Variants in CCNT2 observed in about 807,000 individuals in gnomAD.
CCNT2 encodes cyclin T2, also known as cyclin-T2.
Under a neutral mutation model 70.0 loss-of-function variants are expected in CCNT2, and 18 were observed. That is an observed-to-expected ratio of 0.26 (90% CI 0.18 to 0.38). The LOEUF is 0.38. CCNT2 is among the 10% of genes least tolerant of loss of function. CCNT2 has a pLI of 1.00. For synonymous variants in CCNT2, 334 were observed against 313.3 expected, an observed-to-expected ratio of 1.07 and a Z score of -0.70; for missense variants, 734 against 890.2, an observed-to-expected ratio of 0.82 and a Z score of 2.23.
chr2:134,924,905 T>C (rs1680173732), intron 2 of CCNT2, among the ~76,000 whole-genome samples: 1 of 152,204 alleles, frequency 6.6e-6, no homozygotes, highest in African/African-American at 2.4e-5. Context: ...AACTAAGTTG[T>C]AGCTGTTGAA....
Position 134,926,391 on chromosome 2 carries a change from A to G in CCNT2, c.240+6500A>G, listed in dbSNP as rs191380530. ...AGTTTCTGGCCCTCTTCCCCTCCAC[A>G]TTTTTAGTTTCTCTTTTCCCTTCTT... On this transcript the variant is annotated intron_variant, in intron 2 of 8. Coordinates refer to ENST00000264157, the MANE Select transcript of CCNT2 (RefSeq NM_058241.3). 2.0e-5 allele frequency among the ~76,000 whole-genome samples: 3 copies of G among 152,100 alleles called. No homozygotes were observed. The East Asian group carries it at 5.8e-4, about 29-fold the overall frequency.
intron 7 of CCNT2, among the ~76,000 whole-genome samples, chr2:134,948,195 T>A (rs1356831187): frequency 6.6e-6 from 1 of 152,116 alleles, no homozygotes; most frequent in African/African-American, 2.4e-5. Context: ...GGTGCGTGCC[T>A]ATAGTCTCAG....
At position 134,954,406 on chromosome 2, in the gene CCNT2, G is replaced by A. The variant is rs1329229640; in HGVS notation, c.1951G>A (p.Val651Ile). ...SGSSSSSSSSVKQYISSHNSV... is the reference protein window; with the variant it reads ...SGSSSSSSSSIKQYISSHNSV... ...TAGTTCATCTAGTTCTTCCTCCTCT[G>A]TTAAGCAGTATATATCCTCTCACAA... Residue 651 changes from valine to isoleucine, a missense_variant, in exon 9 of 9, where the codon GTT (valine) becomes ATT (isoleucine). By Grantham distance (29) the Val-to-Ile change is conservative. Around this residue, in one of 3 missense-constraint regions of CCNT2, gnomAD observed 532 missense variants for 556.9 expected, o/e 0.96. Coordinates refer to ENST00000264157, the MANE Select transcript of CCNT2 (RefSeq NM_058241.3). 4 of 1,614,040 alleles carry A rather than the reference G, an allele frequency of 2.5e-6. No homozygotes were observed. The highest frequency in any genetic ancestry group is 3.4e-6 in the Non-Finnish European group (4 of 1,179,938).
chr2:134,945,559 AT>A (rs1681893765), intron 5 of CCNT2: 1 of 985,248 alleles, frequency 1.0e-6, no homozygotes, highest in Non-Finnish European at 1.2e-6. Context: ...CTGTACCCGT[AT>A]GCTGTTTCTA....
Position 134,937,014 on chromosome 2 carries a change from C to T in CCNT2, c.369+45C>T, listed in dbSNP as rs754330150. The T allele has an allele frequency of 1.2e-5, 18 of 1,469,348 alleles. No individual in the cohort carries two copies. The South Asian group carries it at 2.1e-4, about 17-fold the overall frequency. The allele number at this position is 1,469,348 out of a possible 1,614,324, so 91.0% of individuals were successfully genotyped here. A position where few individuals can be genotyped will look rare whatever the true frequency, so the allele number is the denominator to read the frequency against. On this transcript the variant is annotated intron_variant, in intron 3 of 8. Coordinates refer to ENST00000264157, the MANE Select transcript of CCNT2 (RefSeq NM_058241.3). The stretch of plus-strand genomic sequence containing the variant: ...TTTATTTTTCTTTGTAAATTTGAAA[C>T]TTTTTCATAATGTAGGCCTAACAAA...
intron 2 of CCNT2, among the ~76,000 whole-genome samples, chr2:134,931,262 C>CT (rs112471982): frequency 0.12 from 5,137 of 42,228 alleles, 223 homozygotes; most frequent in African/African-American, 0.16. Flanking sequence ...ATGCCCGGAT[C>CT]TTTTTTTTTT....
intron 4 of CCNT2, among the ~76,000 whole-genome samples, chr2:134,940,727 A>G (rs1573829655): frequency 6.6e-6 from 1 of 152,294 alleles, no homozygotes; most frequent in South Asian, 2.1e-4. Flanking sequence ...AGGTTCTGGC[A>G]TATTTTTACC....
intron 2 of CCNT2, 56 bp downstream of exon 2, chr2:134,919,947 C>A: frequency 7.9e-7 from 1 of 1,257,918 alleles, no homozygotes; most frequent in Non-Finnish European, 1.2e-6. Context: ...AATCGATACG[C>A]AGAAAAAAAG....
At chr2:134,919,070 C>A in intron 1 of CCNT2, 58 bp downstream of exon 1, 1 of 1,512,832 alleles carries the variant, frequency 6.6e-7, no homozygotes, top group Non-Finnish European at 8.9e-7. Flanking sequence ...GTCGCCGGGC[C>A]TGGTGCCCCG....
rs1049115420 is a variant in CCNT2, at chr2:134,944,925, G to C, written c.494-1176G>C. 5 of 984,966 alleles carry C rather than the reference G, an allele frequency of 5.1e-6. No individual in the cohort carries two copies. In the African/African-American group the frequency reaches 8.7e-5, roughly 17 times the overall value. The allele number at this position is 984,966 out of a possible 1,614,324, so 61.0% of individuals were successfully genotyped here. The stretch of plus-strand genomic sequence containing the variant: ...CTTCTCTACGTATTTTTATTCGGAG[G>C]GGGAGGGGAAAATAAATTTGATTTC... On this transcript the variant is annotated intron_variant, in intron 5 of 8. Transcript: ENST00000264157.
chr2:134,934,949 T>C (rs1053621165), intron 2 of CCNT2, among the ~76,000 whole-genome samples: 1 of 152,244 alleles, frequency 6.6e-6, no homozygotes, highest in African/African-American at 2.4e-5. Context: ...TGTGGGAAAC[T>C]GAGAGTGTCT....
In CCNT2 at chr2:134,947,831, C is replaced by G; in HGVS notation, c.635C>G (p.Pro212Arg). The G allele has an allele frequency of 6.4e-7, 1 of 1,556,942 alleles. No homozygotes were observed. Among genetic ancestry groups the G allele is most frequent in the Non-Finnish European group, 8.8e-7 (1 of 1,138,984 alleles). ...LACKWSNWEI[P>R]VSTDGKHWWE... is the part of the protein sequence containing the mutation. Reference sequence around the variant, plus strand: ...TGCAAATGGTCCAATTGGGAGATCCCTGTATCAACTGATGGAAAGCATTGG... The same window carrying G: ...TGCAAATGGTCCAATTGGGAGATCCGTGTATCAACTGATGGAAAGCATTGG... Residue 212 changes from proline (P) to arginine (R), a missense_variant, in exon 7 of 9, where the codon CCT becomes CGT. Transcript: ENST00000264157.
At chr2:134,945,462 T>G in intron 5 of CCNT2, 2 of 985,424 alleles carry the variant, frequency 2.0e-6, no homozygotes, top group Non-Finnish European at 2.4e-6. Context: ...AGCATTCTGA[T>G]CCTCCCTAGA....
Position 134,931,262 on chromosome 2 carries a change from C to CTTTTTTTT in CCNT2, c.241-5561_241-5554dup, listed in dbSNP as rs112471982. On this transcript the variant is annotated intron_variant, in intron 2 of 8. Coordinates refer to ENST00000264157, the MANE Select transcript of CCNT2 (RefSeq NM_058241.3). ...CAGGCATAAGCCACCATGCCCGGATCTTTTTTTTTTTTTTTTTTTTTTTTT... is the reference window on the plus strand; with the variant it reads ...CAGGCATAAGCCACCATGCCCGGATCTTTTTTTTTTTTTTTTTTTTTTTTTTTTTTTTT... Among the ~76,000 whole-genome samples the CTTTTTTTT allele has an allele frequency of 2.0e-3, 86 of 42,406 alleles. 8 individuals are homozygous for CTTTTTTTT. The highest frequency in any genetic ancestry group is 2.4e-3 in the Non-Finnish European group (57 of 23,726). The allele number at this position is 42,406 out of a possible 152,430, so 27.8% of individuals were successfully genotyped here.
At chr2:134,941,854 A>G (rs1294363960) in intron 4 of CCNT2, among the ~76,000 whole-genome samples, 1 of 152,196 alleles carries the variant, frequency 6.6e-6, no homozygotes, top group Non-Finnish European at 1.5e-5. Context: ...GCTTTAAAGT[A>G]TTCTGCATAT....
At chr2:134,924,027 T>A (rs17323495) in intron 2 of CCNT2, among the ~76,000 whole-genome samples, 32,491 of 152,166 alleles carry the variant, frequency 0.21, 3,955 homozygotes, top group Middle Eastern at 0.58. Context: ...GTGTTAGCAT[T>A]TATGCATTGT....
intron 2 of CCNT2, 99 bp from the exon 3 acceptor site, chr2:134,936,742 G>A (rs530032281): frequency 3.1e-5 from 33 of 1,079,630 alleles, no homozygotes; most frequent in South Asian, 1.4e-4. Flanking sequence ...CAACAGGAGC[G>A]AAACTCCACC....
At chr2:134,939,088 T>G (rs1285835269) in intron 4 of CCNT2, 26 bp downstream of exon 4, 4 of 1,450,598 alleles carry the variant, frequency 2.8e-6, no homozygotes, top group African/African-American at 1.4e-5. Context: ...AGATAATGGC[T>G]TTTTGTGTGT....
rs939447164 is a variant in CCNT2 at position 134,947,677 on chromosome 2, C to T, written c.540-59C>T. ...TCTAATCTTACTGGTAAATGTTTTT[C>T]TTTGTTTTACATACTTGAATTTTTA... On this transcript the variant is annotated intron_variant, in intron 6 of 8. Coordinates refer to ENST00000264157, the MANE Select transcript of CCNT2 (RefSeq NM_058241.3). 3 of 1,285,038 alleles carry T rather than the reference C, an allele frequency of 2.3e-6. No homozygotes were observed. The African/African-American group carries it at 4.5e-5, about 19-fold the overall frequency. The allele number at this position is 1,285,038 out of a possible 1,614,324, so 79.6% of individuals were successfully genotyped here. A position where few individuals can be genotyped will look rare whatever the true frequency, so the allele number is the denominator to read the frequency against.
Sources: allele counts gnomAD v4.1 joint callset (sites outside exome capture counted in the v4.1 genomes callset), GRCh38; gene constraint gnomAD v4.1.1; regional missense constraint gnomAD v4.1.1; transcripts MANE v1.5; gene names NCBI Gene and HGNC (gene_info 2026-07-23, HGNC 2026-07-21).